SLC4A8: variants seen among roughly 807,000 people sequenced by gnomAD.
SLC4A8 encodes the protein solute carrier family 4 member 8.
In SLC4A8, 40 loss-of-function variants were observed where a neutral mutation model predicts 125.0. The ratio of observed to expected loss-of-function variants is 0.32; its 90% CI spans 0.25 to 0.42. The LOEUF is 0.42. Among genes scored for constraint, SLC4A8 ranks in the 10% least tolerant of loss-of-function variants. SLC4A8 has a pLI of 1.00. For missense variants in SLC4A8, 863 were observed against 1,355.1 expected (o/e 0.64, Z 5.70); for synonymous variants, 456 against 476.0 (o/e 0.96, Z 0.55).
rs771496706 is a variant in SLC4A8, at chr12:51,493,678, G to A, written c.2701-26G>A. ...TGCTATGATACCAAATTTAATTTCT[G>A]GCCTTTCTTGTCCTTTTGTCTTCAG... On this transcript the variant is annotated intron_variant, in intron 19 of 24. Transcript: ENST00000453097. 4 of 1,504,826 alleles carry A rather than the reference G, an allele frequency of 2.7e-6. No homozygotes were observed. The South Asian group carries it at 4.5e-5, about 17-fold the overall frequency. 93.2% of individuals were successfully genotyped at this position (1,504,826 alleles called of 1,614,324 possible). A position where few individuals can be genotyped will look rare whatever the true frequency, so the allele number is the denominator to read the frequency against.
At chr12:51,493,384 T>TTG (rs747205789) in intron 19 of SLC4A8, among the ~76,000 whole-genome samples, 2,046 of 149,336 alleles carry the variant, frequency 0.014, 34 homozygotes, top group African/African-American at 0.042. Flanking sequence ...AGGGGTGCGT[T>TTG]TGTGTGTGTG....
chr12:51,494,653 T>C, intron 20 of SLC4A8: 1 of 242,824 alleles, frequency 4.1e-6, no homozygotes, highest in East Asian at 8.3e-5. Context: ...GTAATTGGTT[T>C]ATTTTGTTTT....
chr12:51,466,334 C>A (rs1218321795), intron 11 of SLC4A8: 1 of 152,184 alleles, frequency 6.6e-6, no homozygotes, highest in African/African-American at 2.4e-5. Context: ...GGGGATGCCA[C>A]TTTTGGGAAG....
chr12:51,425,511 C>A, intron 1 of SLC4A8: 3 of 834,154 alleles, frequency 3.6e-6, no homozygotes, highest in Non-Finnish European at 4.3e-6. Flanking sequence ...AGGCTGGGAC[C>A]AATCCCTGAT....
intron 14 of SLC4A8, among the ~76,000 whole-genome samples, chr12:51,472,543 T>C (rs1452143660): frequency 6.6e-6 from 1 of 152,254 alleles, no homozygotes; most frequent in Non-Finnish European, 1.5e-5. Context: ...TTCTGTAAGG[T>C]TGATTCTTTG....
chr12:51,458,830 G>T (rs765719292), intron 7 of SLC4A8, among the ~76,000 whole-genome samples, 180 bp downstream of exon 7: 4 of 152,184 alleles, frequency 2.6e-5, no homozygotes, highest in Admixed American at 6.5e-5. Flanking sequence ...CCTTCAGCCT[G>T]GATGAAGCTG....
chr12:51,476,798 T>C (rs948025317), intron 16 of SLC4A8, among the ~76,000 whole-genome samples: 1 of 152,036 alleles, frequency 6.6e-6, no homozygotes, highest in Non-Finnish European at 1.5e-5. Context: ...ATATAGAAAA[T>C]CAGCCATTGG....
chr12:51,483,438 C>G (rs1253819695), intron 16 of SLC4A8, among the ~76,000 whole-genome samples: 1 of 149,634 alleles, frequency 6.7e-6, no homozygotes, highest in Non-Finnish European at 1.5e-5. Flanking sequence ...GAGGTTTCAG[C>G]CAGACACATT....
intron 16 of SLC4A8, 108 bp from the exon 17 acceptor site, chr12:51,485,679 G>A: frequency 1.6e-6 from 1 of 625,146 alleles, no homozygotes; most frequent in Non-Finnish European, 2.9e-6. Flanking sequence ...TAATTCAACT[G>A]TAAGATGAAA....
intron 2 of SLC4A8, among the ~76,000 whole-genome samples, chr12:51,442,366 T>C (rs1413799972): frequency 6.6e-6 from 1 of 152,210 alleles, no homozygotes; most frequent in Admixed American, 6.5e-5. Context: ...AGTTGTTCTA[T>C]AGCAAGCACC....
chr12:51,400,135 G>A (rs1948345165), intron 1 of SLC4A8, among the ~76,000 whole-genome samples: 1 of 152,186 alleles, frequency 6.6e-6, no homozygotes, highest in Non-Finnish European at 1.5e-5. Flanking sequence ...GTTCCACCTG[G>A]ACCTGCAGAT....
intron 14 of SLC4A8, among the ~76,000 whole-genome samples, chr12:51,473,971 C>T (rs542981098): frequency 6.6e-6 from 1 of 152,172 alleles, no homozygotes; most frequent in East Asian, 1.9e-4. Flanking sequence ...GACCTCCTTG[C>T]TATGTAGACT....
rs373957061 is a variant in SLC4A8, at chr12:51,425,055, G to T, written c.48+20G>T. ...TATCAGGTAGGGCCCCGCCTCCCGC[G>T]CCTCCCGCTCCTCCCCGGGGCGCAG... On this transcript the variant is annotated intron_variant, in intron 1 of 24. Transcript: ENST00000453097. 1 of 1,546,290 alleles carries T rather than the reference G, an allele frequency of 6.5e-7. No homozygotes were observed. Among genetic ancestry groups the T allele is most frequent in the Non-Finnish European group, 8.7e-7 (1 of 1,145,836 alleles).
At chr12:51,479,682 CAAAA>C (rs759517132) in intron 16 of SLC4A8, among the ~76,000 whole-genome samples, 1 of 39,206 alleles carries the variant, frequency 2.6e-5, no homozygotes, top group Non-Finnish European at 5.1e-5. Flanking sequence ...GACTTGGTCT[CAAAA>C]AAAAAAAAAA....
chr12:51,500,252 GAAGT>G (rs1341635021), intron 22 of SLC4A8, among the ~76,000 whole-genome samples: 2 of 152,152 alleles, frequency 1.3e-5, no homozygotes, highest in Admixed American at 1.3e-4. Flanking sequence ...CAAAATTCCT[GAAGT>G]AAGTACATAT....
At chr12:51,489,380 T>C (rs1951244894) in intron 18 of SLC4A8, among the ~76,000 whole-genome samples, 1 of 152,214 alleles carries the variant, frequency 6.6e-6, no homozygotes, top group South Asian at 2.1e-4. Context: ...TTCTACCATC[T>C]AGAATGGTCA....
chr12:51,477,124 G>A (rs997044037), intron 16 of SLC4A8, among the ~76,000 whole-genome samples: 72 of 151,670 alleles, frequency 4.7e-4, no homozygotes, highest in African/African-American at 1.6e-3. Context: ...GGCTGGTCTC[G>A]AACTCCCAAC....
intron 5 of SLC4A8, among the ~76,000 whole-genome samples, chr12:51,454,296 G>C (rs2138202071): frequency 6.6e-6 from 1 of 152,206 alleles, no homozygotes; most frequent in East Asian, 1.9e-4. Flanking sequence ...GTGTAGGGGT[G>C]GGTTGCCCCT....
chr12:51,427,604 A>T (rs1486096158), intron 1 of SLC4A8, among the ~76,000 whole-genome samples: 1 of 152,164 alleles, frequency 6.6e-6, no homozygotes, highest in African/African-American at 2.4e-5. Flanking sequence ...GGAAATGGGG[A>T]TGACTTGGGG....
Sources: allele counts gnomAD v4.1 joint callset (sites outside exome capture counted in the v4.1 genomes callset), GRCh38; gene constraint gnomAD v4.1.1; transcripts MANE v1.5; gene names NCBI Gene and HGNC (gene_info 2026-07-23, HGNC 2026-07-21).